Variants in GUCY1A2 observed in about 807,000 individuals in gnomAD.
GUCY1A2 encodes guanylate cyclase 1 soluble subunit alpha 2.
A neutral mutation model predicts 63.5 loss-of-function variants in GUCY1A2; 27 were observed. The ratio of observed to expected loss-of-function variants is 0.43; its 90% CI spans 0.31 to 0.59. The LOEUF (loss-of-function observed/expected upper bound fraction) is 0.59, where lower values mean the gene tolerates loss of function less well. GUCY1A2 is among the 20% of genes least tolerant of loss of function. The pLI, the probability that GUCY1A2 is intolerant of heterozygous loss-of-function variation, is 0.11. For missense variants in GUCY1A2, 768 were observed against 913.3 expected (o/e 0.84, Z 2.05); for synonymous variants, 364 against 343.5 (o/e 1.06, Z -0.66).
intron 4 of GUCY1A2, among the ~76,000 whole-genome samples, chr11:106,834,891 G>A (rs1164825849): frequency 6.6e-6 from 1 of 151,922 alleles, no homozygotes; most frequent in South Asian, 2.1e-4. Context: ...ACCCTGGAAG[G>A]GGCTAAATTT....
At chr11:106,820,066 GTTTGTTTTCCTTGCTTA>G (rs915895867) in intron 4 of GUCY1A2, among the ~76,000 whole-genome samples, 14 of 152,206 alleles carry the variant, frequency 9.2e-5, no homozygotes, top group South Asian at 2.1e-4. Flanking sequence ...TGTAGAAGAA[GTTTGTTTTCCTTGCTTA>G]TTTGTTTTCC....
intron 4 of GUCY1A2, among the ~76,000 whole-genome samples, chr11:106,866,461 A>C (rs1162911477): frequency 2.0e-5 from 3 of 152,096 alleles, no homozygotes; most frequent in Non-Finnish European, 4.4e-5. Context: ...AATTTTAGTA[A>C]ATTGAAAGAG....
intron 1 of GUCY1A2, among the ~76,000 whole-genome samples, chr11:106,986,837 C>CA (rs1460785118): frequency 6.6e-6 from 1 of 152,144 alleles, no homozygotes; most frequent in Non-Finnish European, 1.5e-5. Context: ...ACAAGTGCTT[C>CA]AGGCAAAATA....
At chr11:106,989,219 T>C (rs960178673) in intron 1 of GUCY1A2, among the ~76,000 whole-genome samples, 1 of 152,186 alleles carries the variant, frequency 6.6e-6, no homozygotes, top group Non-Finnish European at 1.5e-5. Flanking sequence ...TGCAAGGAGT[T>C]TGGAAAGATG....
intron 4 of GUCY1A2, among the ~76,000 whole-genome samples, chr11:106,834,725 G>A (rs757789651): frequency 3.3e-5 from 5 of 152,000 alleles, no homozygotes; most frequent in African/African-American, 4.8e-5. Flanking sequence ...AAGCATAAAC[G>A]TTGAGCTAAA....
In GUCY1A2 at chr11:106,755,015, C is replaced by T. The variant is rs564784953; in HGVS notation, c.1836+21424G>A. ...TTTTTGGTTGGTAGGCTATTATTGCCTCAATTTGAGAAACTGTTACTGGTC... is the reference window on the plus strand; with the variant it reads ...TTTTTGGTTGGTAGGCTATTATTGCTTCAATTTGAGAAACTGTTACTGGTC... On this transcript the variant is annotated intron_variant, in intron 6 of 7. Transcript: ENST00000526355. 9.2e-5 allele frequency among the ~76,000 whole-genome samples: 14 copies of T among 152,092 alleles called. No homozygotes were observed. The East Asian group carries it at 2.7e-3, about 29-fold the overall frequency.
chr11:106,939,821 T>C lies in GUCY1A2; in HGVS notation c.845A>G (p.Asn282Ser). The C allele has an allele frequency of 6.2e-7, 1 of 1,613,798 alleles. No individual in the cohort carries two copies. The highest frequency in any genetic ancestry group is 8.5e-7 in the Non-Finnish European group (1 of 1,179,696). ...AGTAAGACAGCTACAATTGCCTGGG[T>C]TTGAAACATCAGAGCATAGCTTCTC... Reference protein sequence around the residue: ...ANEKLCSDVSNPGNCSCLTFL... With the variant: ...ANEKLCSDVSSPGNCSCLTFL... The change falls in exon 4 of 8, where the codon AAC (asparagine) becomes AGC (serine). Residue 282 changes from asparagine to serine, a missense_variant. Transcript: ENST00000526355.
At chr11:106,798,419 C>T (rs1393583293) in intron 5 of GUCY1A2, among the ~76,000 whole-genome samples, 1 of 152,138 alleles carries the variant, frequency 6.6e-6, no homozygotes, top group Non-Finnish European at 1.5e-5. Context: ...TTTTATGAGG[C>T]CAGCATCATC....
chr11:106,827,627 C>T (rs1858989673), intron 4 of GUCY1A2: 1 of 1,528,498 alleles, frequency 6.5e-7, no homozygotes, highest in Non-Finnish European at 9.1e-7. Flanking sequence ...TCTTCAGTTG[C>T]TTTACGCCAG....
chr11:106,793,531 C>CA lies in GUCY1A2; in HGVS notation c.1692+16461dup, dbSNP rs199708410. Among the ~76,000 whole-genome samples, 1,193 of 148,272 alleles carry CA rather than the reference C, an allele frequency of 8.0e-3. 6 individuals are homozygous for CA. The highest frequency in any genetic ancestry group is 0.01 in the African/African-American group (419 of 40,418). On this transcript the variant is annotated intron_variant, in intron 5 of 7. Transcript: ENST00000526355. ...ATCAGACTAAAAATATTCTGCATAGCAAAAAAAAAGCAATCAACATAATGA... is the reference window on the plus strand; with the variant it reads ...ATCAGACTAAAAATATTCTGCATAGCAAAAAAAAAAGCAATCAACATAATGA...
At chr11:106,794,460 T>C (rs547576160) in intron 5 of GUCY1A2, among the ~76,000 whole-genome samples, 7 of 150,638 alleles carry the variant, frequency 4.6e-5, no homozygotes, top group Non-Finnish European at 1.0e-4. Flanking sequence ...TATTTTATAC[T>C]TGAAATCTGC....
chr11:106,866,387 T>C (rs1859593984), intron 4 of GUCY1A2, among the ~76,000 whole-genome samples: 1 of 152,048 alleles, frequency 6.6e-6, no homozygotes, highest in South Asian at 2.1e-4. Context: ...TATTTGTCAT[T>C]TAATGACTTC....
intron 4 of GUCY1A2, among the ~76,000 whole-genome samples, chr11:106,905,917 G>A (rs1591322066): frequency 6.6e-6 from 1 of 151,810 alleles, no homozygotes; most frequent in Non-Finnish European, 1.5e-5. Context: ...AAGAACACTT[G>A]CTTACACCTT....
chr11:106,782,590 T>G (rs981323394), intron 5 of GUCY1A2, among the ~76,000 whole-genome samples: 2 of 152,194 alleles, frequency 1.3e-5, no homozygotes, highest in Non-Finnish European at 2.9e-5. Flanking sequence ...AGCTGACATT[T>G]GTTGTGGTTC....
At chr11:106,927,365 T>G (rs1860540420) in intron 4 of GUCY1A2, among the ~76,000 whole-genome samples, 1 of 150,432 alleles carries the variant, frequency 6.6e-6, no homozygotes, top group Non-Finnish European at 1.5e-5. Flanking sequence ...AGAGCGAGAC[T>G]CCGTCTCAAA....
chr11:106,925,185 AAGAC>A (rs1052600209), intron 4 of GUCY1A2, among the ~76,000 whole-genome samples: 15 of 152,176 alleles, frequency 9.9e-5, no homozygotes, highest in South Asian at 6.2e-4. Flanking sequence ...GAGAGAAAGA[AAGAC>A]AGAGAGAGAG....
chr11:106,804,650 A>C (rs998403394), intron 5 of GUCY1A2, among the ~76,000 whole-genome samples: 3 of 152,178 alleles, frequency 2.0e-5, no homozygotes, highest in Non-Finnish European at 4.4e-5. Context: ...TGGCAAGACA[A>C]ATCAAAATTC....
chr11:106,960,462 G>A (rs776165833), intron 3 of GUCY1A2, among the ~76,000 whole-genome samples: 3 of 152,160 alleles, frequency 2.0e-5, no homozygotes, highest in Non-Finnish European at 4.4e-5. Flanking sequence ...GAACAGAGTA[G>A]TCTGCTATTA....
chr11:106,956,468 TTTGTTG>T (rs995320399), intron 3 of GUCY1A2, among the ~76,000 whole-genome samples: 4 of 152,098 alleles, frequency 2.6e-5, no homozygotes, highest in Admixed American at 1.3e-4. Flanking sequence ...TGGAGGCCTT[TTTGTTG>T]TTGTTGTTGT....
Sources: allele counts gnomAD v4.1 joint callset (sites outside exome capture counted in the v4.1 genomes callset), GRCh38; gene constraint gnomAD v4.1.1; transcripts MANE v1.5; gene names NCBI Gene and HGNC (gene_info 2026-07-23, HGNC 2026-07-21).